The following ATRNL1 variants were observed in gnomAD, a reference collection of about 807,000 sequenced individuals.
ATRNL1 encodes attractin like 1, also known as attractin-like protein 1.
ATRNL1 carries 95 observed loss-of-function variants against 182.7 expected under a neutral mutation model. That is an observed-to-expected ratio of 0.52 (90% CI 0.44 to 0.62). ATRNL1 has a LOEUF of 0.62. Among genes scored for constraint, ATRNL1 ranks in the 20% least tolerant of loss-of-function variants. ATRNL1 has a pLI of 0.00. For synonymous variants in ATRNL1, 576 were observed against 568.3 expected, an observed-to-expected ratio of 1.01 and a Z score of -0.19; for missense variants, 1,471 against 1,679.5, an observed-to-expected ratio of 0.88 and a Z score of 2.17.
intron 28 of ATRNL1, among the ~76,000 whole-genome samples, chr10:115,903,284 A>G (rs956219513): frequency 6.6e-5 from 10 of 152,162 alleles, no homozygotes; most frequent in African/African-American, 1.9e-4. Context: ...CAAAAATACA[A>G]GCAGTCTTCT....
intron 26 of ATRNL1, among the ~76,000 whole-genome samples, chr10:115,563,744 A>G (rs1203001344): frequency 6.6e-6 from 1 of 152,168 alleles, no homozygotes; most frequent in Non-Finnish European, 1.5e-5. Context: ...TATGTTTGCA[A>G]TAATAGCATC....
intron 7 of ATRNL1, among the ~76,000 whole-genome samples, chr10:115,169,717 T>C (rs1309955815): frequency 1.3e-5 from 2 of 152,168 alleles, no homozygotes; most frequent in African/African-American, 4.8e-5. Flanking sequence ...TATTATCCTC[T>C]TAATCAATTT....
intron 8 of ATRNL1, among the ~76,000 whole-genome samples, chr10:115,176,411 A>G (rs1847509209): frequency 6.6e-6 from 1 of 152,084 alleles, no homozygotes; most frequent in African/African-American, 2.4e-5. Flanking sequence ...TTTTGGCTGC[A>G]TGTTGTAAAT....
intron 16 of ATRNL1, 87 bp downstream of exon 16, chr10:115,300,334 C>A: frequency 9.8e-7 from 1 of 1,025,002 alleles, no homozygotes. Flanking sequence ...TAGTCTTATT[C>A]TATGATATTT....
At chr10:115,363,946 G>C (rs1487849141) in intron 19 of ATRNL1, among the ~76,000 whole-genome samples, 1 of 151,904 alleles carries the variant, frequency 6.6e-6, no homozygotes, top group Admixed American at 6.6e-5. Context: ...TTGAAGTCAG[G>C]TAGTGTGATG....
chr10:115,668,916 A>G (rs889798114), intron 26 of ATRNL1, among the ~76,000 whole-genome samples: 1 of 152,060 alleles, frequency 6.6e-6, no homozygotes, highest in Non-Finnish European at 1.5e-5. Flanking sequence ...TAAAAACTAA[A>G]TGTCATTATT....
At chr10:115,431,075 C>T (rs1251612507) in intron 21 of ATRNL1, among the ~76,000 whole-genome samples, 6 of 152,060 alleles carry the variant, frequency 3.9e-5, no homozygotes, top group East Asian at 1.9e-4. Flanking sequence ...CACACACTGA[C>T]GCTCAATGTT....
At chr10:115,889,606 A>G (rs1354124436) in intron 28 of ATRNL1, among the ~76,000 whole-genome samples, 3 of 152,236 alleles carry the variant, frequency 2.0e-5, no homozygotes, top group African/African-American at 7.2e-5. Flanking sequence ...ATAGACTGCT[A>G]TACAGTCATT....
intron 27 of ATRNL1, among the ~76,000 whole-genome samples, chr10:115,815,392 C>A (rs1950137505): frequency 6.8e-6 from 1 of 146,258 alleles, no homozygotes; most frequent in South Asian, 2.2e-4. Context: ...ATCAACACAT[C>A]CACTGGTATG....
At chr10:115,459,024 T>C (rs1847666768) in intron 21 of ATRNL1, among the ~76,000 whole-genome samples, 1 of 152,306 alleles carries the variant, frequency 6.6e-6, no homozygotes, top group Non-Finnish European at 1.5e-5. Flanking sequence ...TTCTTATGCC[T>C]GTCTTTACTG....
chr10:115,303,483 A>C (rs902298768), intron 17 of ATRNL1, among the ~76,000 whole-genome samples: 2 of 151,980 alleles, frequency 1.3e-5, no homozygotes, highest in African/African-American at 4.8e-5. Flanking sequence ...GGCCTCCCAA[A>C]GTTCTGGGAT....
At chr10:115,735,806 T>G (rs1360001476) in intron 27 of ATRNL1, among the ~76,000 whole-genome samples, 1 of 152,200 alleles carries the variant, frequency 6.6e-6, no homozygotes, top group Non-Finnish European at 1.5e-5. Context: ...TTTAATCTTT[T>G]TCTTCTGGAA....
chr10:115,867,281 T>C (rs926529987), intron 28 of ATRNL1, among the ~76,000 whole-genome samples: 2 of 152,200 alleles, frequency 1.3e-5, no homozygotes, highest in Admixed American at 6.5e-5. Flanking sequence ...TTTAGAGCAA[T>C]AGAATTCCAT....
intron 26 of ATRNL1, among the ~76,000 whole-genome samples, chr10:115,687,892 A>T (rs1329236717): frequency 6.6e-6 from 1 of 152,074 alleles, no homozygotes; most frequent in Non-Finnish European, 1.5e-5. Context: ...CCTGCTATCA[A>T]ATATTAGATT....
At chr10:115,538,295 CA>C (rs1287408433) in intron 25 of ATRNL1, among the ~76,000 whole-genome samples, 2 of 152,156 alleles carry the variant, frequency 1.3e-5, no homozygotes, top group Non-Finnish European at 2.9e-5. Flanking sequence ...AGTGACTGTA[CA>C]ATTCTGTGCT....
intron 26 of ATRNL1, among the ~76,000 whole-genome samples, chr10:115,566,128 T>C (rs1854063008): frequency 6.6e-6 from 1 of 152,082 alleles, no homozygotes; most frequent in South Asian, 2.1e-4. Flanking sequence ...GGAGATGGTG[T>C]CTTGCTGTAT....
chr10:115,457,573 T>C (rs1847587604), intron 21 of ATRNL1, among the ~76,000 whole-genome samples: 1 of 152,098 alleles, frequency 6.6e-6, no homozygotes, highest in South Asian at 2.1e-4. Context: ...TTAATGACTA[T>C]TTTAGATCTT....
At chr10:115,835,721 C>A (rs1234167560) in intron 27 of ATRNL1, among the ~76,000 whole-genome samples, 1 of 152,208 alleles carries the variant, frequency 6.6e-6, no homozygotes, top group African/African-American at 2.4e-5. Context: ...CACTTCGAGA[C>A]TGAGCCTCTC....
intron 1 of ATRNL1, among the ~76,000 whole-genome samples, chr10:115,099,914 T>C (rs112863275): frequency 1.6e-4 from 24 of 152,360 alleles, no homozygotes; most frequent in African/African-American, 5.5e-4. Context: ...CTCTTGACAG[T>C]ATTTTTCAAA....
Sources: allele counts gnomAD v4.1 joint callset (sites outside exome capture counted in the v4.1 genomes callset), GRCh38; gene constraint gnomAD v4.1.1; transcripts MANE v1.5; gene names NCBI Gene and HGNC (gene_info 2026-07-23, HGNC 2026-07-21).